Variants in CCSER1 observed in about 807,000 individuals in gnomAD.
CCSER1 encodes serine-rich coiled-coil domain-containing protein 1.
CCSER1 carries 41 observed loss-of-function variants against 82.0 expected under a neutral mutation model. That is an observed-to-expected ratio of 0.50 (90% CI 0.39 to 0.65). CCSER1 has a LOEUF of 0.65. CCSER1 is among the 30% of genes least tolerant of loss of function. The pLI, the probability that CCSER1 is intolerant of heterozygous loss-of-function variation, is 0.00. For synonymous variants in CCSER1, 414 were observed against 383.9 expected, an observed-to-expected ratio of 1.08 and a Z score of -0.92; for missense variants, 1,119 against 1,064.2, an observed-to-expected ratio of 1.05 and a Z score of -0.72.
chr4:91,517,490 A>C, intron 10 of CCSER1, among the ~76,000 whole-genome samples: 1 of 152,204 alleles, frequency 6.6e-6, no homozygotes, highest in East Asian at 1.9e-4. Flanking sequence ...TCATTTGTAC[A>C]CTCAGCTGTT....
At chr4:90,733,479 T>A (rs1475858753) in intron 7 of CCSER1, among the ~76,000 whole-genome samples, 1 of 152,166 alleles carries the variant, frequency 6.6e-6, no homozygotes, top group African/African-American at 2.4e-5. Flanking sequence ...TCCCGTTCTG[T>A]GAGTTTCTCT....
chr4:90,698,742 A>T (rs1737459444), intron 6 of CCSER1, among the ~76,000 whole-genome samples: 1 of 152,148 alleles, frequency 6.6e-6, no homozygotes, highest in African/African-American at 2.4e-5. Context: ...GGTTAATAGG[A>T]GGAAAGTTTA....
At chr4:90,846,026 C>T (rs1405658916) in intron 8 of CCSER1, among the ~76,000 whole-genome samples, 1 of 152,068 alleles carries the variant, frequency 6.6e-6, no homozygotes, top group Non-Finnish European at 1.5e-5. Flanking sequence ...AGGAAAGTAG[C>T]TTTGTCTAAT....
chr4:90,284,964 T>C (rs2153462547), intron 1 of CCSER1, among the ~76,000 whole-genome samples: 1 of 152,218 alleles, frequency 6.6e-6, no homozygotes, highest in East Asian at 1.9e-4. Flanking sequence ...TGGATTTGTT[T>C]CTGGGTTCTC....
At chr4:91,434,909 C>A (rs929153007) in intron 10 of CCSER1, among the ~76,000 whole-genome samples, 6 of 152,146 alleles carry the variant, frequency 3.9e-5, no homozygotes, top group Non-Finnish European at 7.4e-5. Context: ...ATATTCTTTA[C>A]TTTTTAGTTT....
chr4:91,485,192 AG>A (rs1758151718), intron 10 of CCSER1, among the ~76,000 whole-genome samples: 1 of 152,154 alleles, frequency 6.6e-6, no homozygotes, highest in African/African-American at 2.4e-5. Flanking sequence ...ACAATAACCC[AG>A]CACCAATTTA....
chr4:90,969,688 C>T (rs1388042007), intron 9 of CCSER1, among the ~76,000 whole-genome samples: 1 of 151,806 alleles, frequency 6.6e-6, no homozygotes, highest in Non-Finnish European at 1.5e-5. Flanking sequence ...GGGAGTTCTT[C>T]AAGATGAAGC....
At chr4:91,449,118 G>C (rs1053820034) in intron 10 of CCSER1, among the ~76,000 whole-genome samples, 1 of 152,030 alleles carries the variant, frequency 6.6e-6, no homozygotes, top group East Asian at 1.9e-4. Context: ...CAAAACCCTC[G>C]AGAGGTCAGG....
intron 9 of CCSER1, among the ~76,000 whole-genome samples, chr4:90,929,501 T>G (rs55904166): frequency 0.11 from 16,329 of 152,228 alleles, 1,336 homozygotes; most frequent in East Asian, 0.21. Flanking sequence ...TGGCACTGAA[T>G]GATTCTTTTT....
intron 10 of CCSER1, among the ~76,000 whole-genome samples, chr4:91,536,318 C>A (rs1054565477): frequency 6.6e-6 from 1 of 152,002 alleles, no homozygotes; most frequent in Non-Finnish European, 1.5e-5. Flanking sequence ...TTCATAATTT[C>A]CAGAAGTTCA....
At chr4:90,368,637 A>G (rs900616090) in intron 3 of CCSER1, among the ~76,000 whole-genome samples, 1 of 151,902 alleles carries the variant, frequency 6.6e-6, no homozygotes, top group Non-Finnish European at 1.5e-5. Context: ...GTCTCAAAAC[A>G]AAAACAAAGT....
rs150444179 is a variant in CCSER1 at position 90,724,500 on chromosome 4, A to G, written c.2010+509A>G. The G allele has an allele frequency of 6.1e-4, 108 of 178,124 alleles. 1 individual carries two copies. The East Asian group carries it at 0.013, about 21-fold the overall frequency. The allele number at this position is 178,124 out of a possible 1,614,324, so 11.0% of individuals were successfully genotyped here. A position where few individuals can be genotyped will look rare whatever the true frequency, so the allele number is the denominator to read the frequency against. ...GTAAATATGCAAATAAGTATGTGGTATGACTGGTGGCATTTTTTTCACTTT... is the reference window on the plus strand; with the variant it reads ...GTAAATATGCAAATAAGTATGTGGTGTGACTGGTGGCATTTTTTTCACTTT... On this transcript the variant is annotated intron_variant, in intron 7 of 10. Transcript: ENST00000509176.
intron 10 of CCSER1, among the ~76,000 whole-genome samples, chr4:91,178,741 G>C (rs1733674898): frequency 6.6e-6 from 1 of 152,072 alleles, no homozygotes; most frequent in Admixed American, 6.6e-5. Context: ...GCTCACTGAT[G>C]GGTCTTGACT....
At chr4:90,325,835 G>T (rs546537860) in intron 3 of CCSER1, 3 of 232,860 alleles carry the variant, frequency 1.3e-5, no homozygotes, top group East Asian at 1.8e-4. Flanking sequence ...GACTCCAAAG[G>T]TCAAGAAATA....
At chr4:90,236,759 A>G (rs1745872894) in intron 1 of CCSER1, among the ~76,000 whole-genome samples, 2 of 151,962 alleles carry the variant, frequency 1.3e-5, no homozygotes, top group South Asian at 4.1e-4. Flanking sequence ...GTTTTTAGGA[A>G]TGTAATTTTA....
At chr4:90,160,476 G>A (rs534436248) in intron 1 of CCSER1, among the ~76,000 whole-genome samples, 4 of 152,312 alleles carry the variant, frequency 2.6e-5, no homozygotes, top group African/African-American at 9.6e-5. Flanking sequence ...AAAGAATGCA[G>A]TAGAGATGAG....
intron 5 of CCSER1, among the ~76,000 whole-genome samples, chr4:90,469,384 C>T (rs965510231): frequency 6.0e-4 from 92 of 152,114 alleles, no homozygotes; most frequent in African/African-American, 2.1e-3. Flanking sequence ...AGTTTTAATA[C>T]AATCTAAAAG....
At chr4:91,074,075 A>G (rs1013914527) in intron 9 of CCSER1, among the ~76,000 whole-genome samples, 28 of 152,218 alleles carry the variant, frequency 1.8e-4, no homozygotes, top group African/African-American at 6.5e-4. Flanking sequence ...TTTGGGCCAC[A>G]TGCTGTAGCT....
At chr4:90,688,850 T>C (rs1385006289) in intron 6 of CCSER1, among the ~76,000 whole-genome samples, 1 of 152,150 alleles carries the variant, frequency 6.6e-6, no homozygotes, top group East Asian at 1.9e-4. Flanking sequence ...TTCCGAGGCA[T>C]CTCAGTATAA....
Sources: allele counts gnomAD v4.1 joint callset (sites outside exome capture counted in the v4.1 genomes callset), GRCh38; gene constraint gnomAD v4.1.1; transcripts MANE v1.5; gene names NCBI Gene and HGNC (gene_info 2026-07-23, HGNC 2026-07-21).